The following AP2B1 variants were observed in gnomAD, a reference collection of about 807,000 sequenced individuals.
AP2B1 encodes adaptor related protein complex 2 subunit beta 1.
AP2B1 carries 23 observed loss-of-function variants against 102.0 expected under a neutral mutation model. The observed-to-expected ratio is 0.23, with a 90% CI of 0.16 to 0.32. The LOEUF (loss-of-function observed/expected upper bound fraction) is 0.32. Ranked by LOEUF, AP2B1 falls within the 10% of genes least tolerant of loss-of-function variation. AP2B1 has a pLI of 1.00. For synonymous variants in AP2B1, 381 were observed against 421.2 expected (o/e 0.90, Z 1.17); for missense variants, 541 against 1,157.4 (o/e 0.47, Z 7.73).
In AP2B1 at chr17:35,652,585, T is replaced by C. The variant is rs756083917; in HGVS notation, c.1796+1796T>C. 5.7e-4 allele frequency among the ~76,000 whole-genome samples: 87 copies of C among 152,314 alleles called. 1 individual carries two copies. The Middle Eastern group carries it at 0.01, about 18-fold the overall frequency. On this transcript the variant is annotated intron_variant, in intron 13 of 21. Coordinates refer to ENST00000610402, the MANE Select transcript of AP2B1 (RefSeq NM_001030006.2). Reference sequence around the variant, plus strand: ...AATCTCACCTTTAAAAAATATTGCTTTAATGACAGTTATGCAGTTATTTCC... The same window carrying C: ...AATCTCACCTTTAAAAAATATTGCTCTAATGACAGTTATGCAGTTATTTCC...
chr17:35,674,125 G>T, intron 16 of AP2B1, 51 bp from the exon 17 acceptor site: 2 of 1,531,594 alleles, frequency 1.3e-6, no homozygotes, highest in Non-Finnish European at 1.8e-6. Flanking sequence ...AAAATGCATA[G>T]CATCAAGATA....
chr17:35,645,033 G>GA (rs753551246), intron 12 of AP2B1, among the ~76,000 whole-genome samples: 2,503 of 142,510 alleles, frequency 0.018, 36 homozygotes, highest in Non-Finnish European at 0.028. Flanking sequence ...CTCTGTCTCG[G>GA]AAAAAAAAAA....
chr17:35,608,062 C>T, intron 4 of AP2B1, 80 bp from the exon 5 acceptor site: 4 of 1,531,602 alleles, frequency 2.6e-6, no homozygotes, highest in Non-Finnish European at 3.6e-6. Context: ...TGAGGTAATT[C>T]TTTTGCAGCT....
At chr17:35,697,023 C>G (rs918601650) in intron 18 of AP2B1, among the ~76,000 whole-genome samples, 1 of 152,186 alleles carries the variant, frequency 6.6e-6, no homozygotes, top group Admixed American at 6.5e-5. Flanking sequence ...CCAAACTAAG[C>G]AAGGCTATCT....
At position 35,723,769 on chromosome 17, in the gene AP2B1, T is replaced by C. The variant is rs2006289; in HGVS notation, c.*70T>C. Reference sequence around the variant, plus strand: ...GTCAAGAACTCTTAACTGGAAGAAATTGTATTGCTGCGTAGAATCTGAACA... The same window carrying C: ...GTCAAGAACTCTTAACTGGAAGAAACTGTATTGCTGCGTAGAATCTGAACA... On this transcript the variant is annotated 3_prime_UTR_variant, in exon 22 of 22. Transcript: ENST00000610402. 23 of 1,158,462 alleles carry C rather than the reference T, an allele frequency of 2.0e-5. No homozygotes were observed. In the Admixed American group the frequency reaches 3.9e-4, roughly 20 times the overall value. The allele number at this position is 1,158,462 out of a possible 1,614,324, so 71.8% of individuals were successfully genotyped here.
At chr17:35,644,104 G>A (rs760178979) in intron 12 of AP2B1, among the ~76,000 whole-genome samples, 5 of 152,134 alleles carry the variant, frequency 3.3e-5, no homozygotes, top group Middle Eastern at 3.2e-3. Flanking sequence ...GTTAGTAAAC[G>A]ATTTCTATTT....
intron 10 of AP2B1, 130 bp downstream of exon 10, chr17:35,636,586 G>A (rs905495768): frequency 2.9e-5 from 16 of 554,296 alleles, no homozygotes; most frequent in Non-Finnish European, 4.5e-5. Context: ...ATCAAAAATC[G>A]GAAACATTAA....
At chr17:35,631,627 A>G (rs2074464660) in intron 9 of AP2B1, among the ~76,000 whole-genome samples, 1 of 151,818 alleles carries the variant, frequency 6.6e-6, no homozygotes, top group Non-Finnish European at 1.5e-5. Context: ...AATTTATGTC[A>G]TCTTTAGTTT....
intron 18 of AP2B1, among the ~76,000 whole-genome samples, chr17:35,683,663 T>C (rs587689554): frequency 3.9e-5 from 6 of 152,352 alleles, no homozygotes; most frequent in African/African-American, 1.4e-4. Context: ...CTTTGAAATA[T>C]AAACCTTCTG....
At chr17:35,611,811 T>G (rs2142440462) in intron 5 of AP2B1, among the ~76,000 whole-genome samples, 1 of 152,354 alleles carries the variant, frequency 6.6e-6, no homozygotes, top group Admixed American at 6.5e-5. Context: ...CTTATTTTCT[T>G]TCCCCATCCC....
chr17:35,628,583 C>G (rs1382353418), intron 9 of AP2B1, among the ~76,000 whole-genome samples: 2 of 152,118 alleles, frequency 1.3e-5, no homozygotes, highest in South Asian at 2.1e-4. Context: ...AACCTGAAAC[C>G]TTTTCACTCT....
At chr17:35,699,300 T>A (rs891199914) in intron 18 of AP2B1, among the ~76,000 whole-genome samples, 1 of 152,244 alleles carries the variant, frequency 6.6e-6, no homozygotes, top group Non-Finnish European at 1.5e-5. Flanking sequence ...TATGGAAACT[T>A]CAAACGCTGA....
chr17:35,629,472 T>C (rs1048354098), intron 9 of AP2B1, among the ~76,000 whole-genome samples: 1 of 152,206 alleles, frequency 6.6e-6, no homozygotes, highest in African/African-American at 2.4e-5. Context: ...GTTATTGGTA[T>C]ATTTTTCCTT....
chr17:35,711,410 C>CA (rs782545206), intron 20 of AP2B1, among the ~76,000 whole-genome samples: 20,227 of 114,328 alleles, frequency 0.18, 1,596 homozygotes, highest in Middle Eastern at 0.22. Context: ...GCACAGAAAG[C>CA]AAAAAAAAAA....
intron 12 of AP2B1, among the ~76,000 whole-genome samples, chr17:35,648,508 C>T (rs1021882881): frequency 6.8e-6 from 1 of 146,800 alleles, no homozygotes; most frequent in Non-Finnish European, 1.5e-5. Context: ...GAACAAGACT[C>T]TGTCTCAAAA....
At chr17:35,648,244 G>A (rs1567895912) in intron 12 of AP2B1, among the ~76,000 whole-genome samples, 3 of 152,132 alleles carry the variant, frequency 2.0e-5, no homozygotes, top group African/African-American at 2.4e-5. Flanking sequence ...GGCCAGACAC[G>A]GTGGCTTATG....
chr17:35,691,514 A>G (rs955630273), intron 18 of AP2B1, among the ~76,000 whole-genome samples: 5 of 152,236 alleles, frequency 3.3e-5, no homozygotes, highest in Non-Finnish European at 4.4e-5. Context: ...GTGCAAGCCA[A>G]ACCAGTCAGT....
rs1417957992 is a variant in AP2B1 at position 35,658,548 on chromosome 17, A to ATT, written c.1989+758_1989+759insTT. On this transcript the variant is annotated intron_variant, in intron 14 of 21. Coordinates refer to ENST00000610402, the MANE Select transcript of AP2B1 (RefSeq NM_001030006.2). ...AATCTATGAAGAGAAGGCCAGAAAA[A>ATT]TAACAAGTCTATTACAAGACTGCCT... Among the ~76,000 whole-genome samples, 4 of 152,334 alleles carry ATT rather than the reference A, an allele frequency of 2.6e-5. No individual in the cohort carries two copies. The East Asian group carries it at 7.7e-4, about 29-fold the overall frequency.
At position 35,624,444 on chromosome 17, in the gene AP2B1, C is replaced by T. The variant is rs1194068104; in HGVS notation, c.573C>T (p.His191=). The change falls in exon 6 of 22, where the codon CAC becomes CAT. Residue 191 remains histidine, a synonymous_variant. Transcript: ENST00000610402. ...CATTATCTGAAATCAGTGAGTCTCA[C>T]CCAAACAGCAACTTACTTGATCTGA... ...VAALSEISES[H]PNSNLLDLNP... 3 of 1,614,028 alleles carry T rather than the reference C, an allele frequency of 1.9e-6. No individual in the cohort carries two copies. Among genetic ancestry groups the T allele is most frequent in the Non-Finnish European group, 2.5e-6 (3 of 1,180,020 alleles).
Sources: allele counts gnomAD v4.1 joint callset (sites outside exome capture counted in the v4.1 genomes callset), GRCh38; gene constraint gnomAD v4.1.1; transcripts MANE v1.5; gene names NCBI Gene and HGNC (gene_info 2026-07-23, HGNC 2026-07-21).